The following MYO1H variants were observed in gnomAD, a reference collection of about 807,000 sequenced individuals.
The protein encoded by MYO1H is unconventional myosin-Ih.
A neutral mutation model predicts 149.3 loss-of-function variants in MYO1H; 118 were observed. The ratio of observed to expected loss-of-function variants is 0.79; its 90% CI spans 0.68 to 0.92. MYO1H has a LOEUF of 0.92. MYO1H is among the 40% of genes least tolerant of loss of function. The probability of loss-of-function intolerance (pLI) is 0.00; values close to 1 mark genes in which losing one functional copy is unlikely to be tolerated. For synonymous variants in MYO1H, 447 were observed against 465.2 expected (o/e 0.96, Z 0.50); for missense variants, 1,212 against 1,280.7 (o/e 0.95, Z 0.82).
chr12:109,389,875 G>C (rs1394595489), intron 2 of MYO1H, among the ~76,000 whole-genome samples: 1 of 152,134 alleles, frequency 6.6e-6, no homozygotes, highest in Non-Finnish European at 1.5e-5. Context: ...TGAAACCAAG[G>C]ATACCAGAAG....
chr12:109,439,525 ACAGCC>A, intron 23 of MYO1H, 101 bp from the exon 24 acceptor site: 1 of 729,084 alleles, frequency 1.4e-6, no homozygotes, highest in Middle Eastern at 4.1e-4. Context: ...GGTCATCTCC[ACAGCC>A]TCTACCACTT....
At chr12:109,389,993 A>G (rs1001522201) in intron 2 of MYO1H, among the ~76,000 whole-genome samples, 1 of 152,186 alleles carries the variant, frequency 6.6e-6, no homozygotes, top group South Asian at 2.1e-4. Context: ...GGAAAAGGAA[A>G]AAATAGCATG....
chr12:109,315,400 C>T, the MYO1H span, among the ~76,000 whole-genome samples: 1 of 152,092 alleles, frequency 6.6e-6, no homozygotes, highest in Admixed American at 6.6e-5. Flanking sequence ...TAGACTGGGA[C>T]TATTACTCTA....
At chr12:109,347,403 A>G (rs938913590), upstream of MYO1H, among the ~76,000 whole-genome samples, 4 of 152,132 alleles carry the variant, frequency 2.6e-5, no homozygotes, top group Non-Finnish European at 5.9e-5. Context: ...GCATCTGAAA[A>G]TAATAATAAA....
the MYO1H span, among the ~76,000 whole-genome samples, chr12:109,332,898 T>C: frequency 6.6e-6 from 1 of 152,224 alleles, no homozygotes; most frequent in Non-Finnish European, 1.5e-5. Context: ...CAGATCTTAA[T>C]GCACATTTTT....
At chr12:109,327,488 G>T in the MYO1H span, among the ~76,000 whole-genome samples, 1 of 151,740 alleles carries the variant, frequency 6.6e-6, no homozygotes, top group East Asian at 2.0e-4. Flanking sequence ...GACGGCTCAC[G>T]CCTGTAATAA....
chr12:109,397,757 G>C, exon 5 of MYO1H: 3 of 1,611,988 alleles, frequency 1.9e-6, no homozygotes, highest in Non-Finnish European at 2.5e-6. Context: ...AGAACGCTCC[G>C]GAATGACAAC....
chr12:109,346,069 T>C (rs915017641), upstream of MYO1H, among the ~76,000 whole-genome samples: 1 of 152,246 alleles, frequency 6.6e-6, no homozygotes, highest in Non-Finnish European at 1.5e-5. Flanking sequence ...TCCATATTTA[T>C]GGGTTCCAAT....
rs1408638882 is a variant in MYO1H at position 109,361,557 on chromosome 12, G to A, written c.12+13585G>A. Among the ~76,000 whole-genome samples the A allele has an allele frequency of 2.6e-5, 4 of 152,196 alleles. No individual in the cohort carries two copies. The South Asian group carries it at 6.2e-4, about 24-fold the overall frequency. The stretch of plus-strand genomic sequence containing the variant: ...GCAGTGGCTCACGCCTGTAATCCCA[G>A]CACTTTGGGAGGCCGAGGCAGGCAG... On this transcript the variant is annotated intron_variant, in intron 1 of 31. Transcript: ENST00000310903.
chr12:109,344,552 A>G (rs2048096498), upstream of MYO1H, among the ~76,000 whole-genome samples: 1 of 152,210 alleles, frequency 6.6e-6, no homozygotes, highest in Non-Finnish European at 1.5e-5. Flanking sequence ...TAGAATGTCA[A>G]TACTCCCCAA....
chr12:109,370,524 G>A (rs1868959368), intron 1 of MYO1H, among the ~76,000 whole-genome samples: 2 of 152,166 alleles, frequency 1.3e-5, no homozygotes, highest in South Asian at 4.1e-4. Context: ...GAGTTGTTGT[G>A]GGTAATACAT....
intron 1 of MYO1H, among the ~76,000 whole-genome samples, chr12:109,380,351 T>C (rs1460685679): frequency 6.6e-6 from 1 of 151,928 alleles, no homozygotes; most frequent in Non-Finnish European, 1.5e-5. Flanking sequence ...AATTTAAAAA[T>C]CAATCCGCTG....
intron 1 of MYO1H, among the ~76,000 whole-genome samples, chr12:109,365,000 G>A (rs746038664): frequency 4.6e-5 from 7 of 152,160 alleles, no homozygotes; most frequent in Non-Finnish European, 1.0e-4. Context: ...GCAGGGCGTG[G>A]TGGTTCACAA....
At chr12:109,334,219 G>A in the MYO1H span, among the ~76,000 whole-genome samples, 6 of 152,108 alleles carry the variant, frequency 3.9e-5, no homozygotes, top group East Asian at 1.9e-4. Context: ...GGGTTTTGCC[G>A]TGTTGGCCAG....
At chr12:109,324,693 TTTTTC>T in the MYO1H span, among the ~76,000 whole-genome samples, 12 of 150,752 alleles carry the variant, frequency 8.0e-5, no homozygotes, top group Middle Eastern at 3.4e-3. Context: ...TTTCTTTTTC[TTTTTC>T]TTTTCTTTTT....
the MYO1H span, among the ~76,000 whole-genome samples, chr12:109,336,410 A>C: frequency 6.6e-6 from 1 of 152,168 alleles, no homozygotes; most frequent in Non-Finnish European, 1.5e-5. Context: ...GTTCAACTCA[A>C]ACTGGCTTGA....
intron 19 of MYO1H, among the ~76,000 whole-genome samples, chr12:109,432,419 G>T (rs911886501): frequency 8.5e-5 from 13 of 152,080 alleles, no homozygotes; most frequent in Non-Finnish European, 1.9e-4. Context: ...CACCATACCC[G>T]GTCTCAAGCA....
At chr12:109,438,176 A>G (rs10774697) in intron 22 of MYO1H, among the ~76,000 whole-genome samples, 61,184 of 151,354 alleles carry the variant, frequency 0.4, 12,678 homozygotes, top group African/African-American at 0.46. Flanking sequence ...TTTTAAATGT[A>G]GACAACTAAA....
At chr12:109,370,792 A>G (rs964257981) in intron 1 of MYO1H, among the ~76,000 whole-genome samples, 18 of 152,328 alleles carry the variant, frequency 1.2e-4, no homozygotes, top group Admixed American at 9.1e-4. Flanking sequence ...CATTTGACAA[A>G]TCTGCTGAGC....
Sources: gnomAD v4.1 joint callset for allele counts (sites outside exome capture counted in the v4.1 genomes callset) on GRCh38, gnomAD v4.1.1 for gene constraint, MANE v1.5 for transcripts, NCBI Gene and HGNC (gene_info 2026-07-23, HGNC 2026-07-21) for gene names.